Variants in ADAM9 observed in about 807,000 individuals in gnomAD.
The protein encoded by ADAM9 is ADAM metallopeptidase domain 9.
A neutral mutation model predicts 108.1 loss-of-function variants in ADAM9; 54 were observed. That is an observed-to-expected ratio of 0.50 (90% CI 0.40 to 0.63). The LOEUF (loss-of-function observed/expected upper bound fraction) is 0.63, where lower values mean the gene tolerates loss of function less well. Among genes scored for constraint, ADAM9 ranks in the 20% least tolerant of loss-of-function variants. ADAM9 has a pLI of 0.00. For synonymous variants in ADAM9, 316 were observed against 336.0 expected (o/e 0.94, Z 0.65); for missense variants, 830 against 997.7 (o/e 0.83, Z 2.26).
intron 12 of ADAM9, among the ~76,000 whole-genome samples, chr8:39,045,127 C>T (rs182306278): frequency 0.016 from 781 of 49,534 alleles, 144 homozygotes; most frequent in Middle Eastern, 0.034. Context: ...TGTGTGTGTG[C>T]ATACATACAT....
At chr8:39,062,510 A>G (rs1223618391) in intron 14 of ADAM9, among the ~76,000 whole-genome samples, 1 of 152,210 alleles carries the variant, frequency 6.6e-6, no homozygotes, top group Non-Finnish European at 1.5e-5. Flanking sequence ...CAACTAGCCA[A>G]TGCCGTAAGT....
chr8:39,045,879 CT>C (rs879737714), intron 12 of ADAM9, among the ~76,000 whole-genome samples: 192 of 143,872 alleles, frequency 1.3e-3, no homozygotes, highest in Middle Eastern at 3.6e-3. Context: ...CAAGATCAGC[CT>C]TTTTTTTTTT....
At chr8:39,041,532 A>G (rs770791843) in intron 11 of ADAM9, among the ~76,000 whole-genome samples, 21 of 152,186 alleles carry the variant, frequency 1.4e-4, no homozygotes, top group Non-Finnish European at 2.4e-4. Context: ...GAACATAAAA[A>G]TGTTATCCTT....
At chr8:39,011,380 G>C (rs1378429661) in intron 2 of ADAM9, among the ~76,000 whole-genome samples, 2 of 152,170 alleles carry the variant, frequency 1.3e-5, no homozygotes, top group East Asian at 3.8e-4. Context: ...GACTTGAGAA[G>C]ATAATCCCTG....
chr8:39,097,945 C>G (rs756230112), intron 20 of ADAM9, among the ~76,000 whole-genome samples: 2 of 152,198 alleles, frequency 1.3e-5, no homozygotes, highest in Non-Finnish European at 2.9e-5. Flanking sequence ...TGAGCTTTAG[C>G]TATTTTCCCA....
chr8:39,099,499 T>C (rs561015044), intron 20 of ADAM9, among the ~76,000 whole-genome samples: 61 of 152,346 alleles, frequency 4.0e-4, no homozygotes, highest in Admixed American at 2.1e-3. Context: ...TTCATTGTTT[T>C]TAATAACCGC....
At position 39,045,397 on chromosome 8, in the gene ADAM9, C is replaced by T. The variant is rs889567377; in HGVS notation, c.1302+3280C>T. On this transcript the variant is annotated intron_variant, in intron 12 of 21. Coordinates refer to ENST00000487273, the MANE Select transcript of ADAM9 (RefSeq NM_003816.3). ...ACATACACCTATAGGTGTGTGTACA[C>T]ACACCTATATGTGCGCGTGTGTACA... Among the ~76,000 whole-genome samples, 857 of 143,114 alleles carry T rather than the reference C, an allele frequency of 6.0e-3. 73 individuals are homozygous for T. Among genetic ancestry groups the T allele is most frequent in the Non-Finnish European group, 8.3e-3 (544 of 65,316 alleles). 93.9% of individuals were successfully genotyped at this position (143,114 alleles called of 152,430 possible).
rs375208643 is a variant in ADAM9 at position 39,087,240 on chromosome 8, AT to A, written c.2069-2797del. Among the ~76,000 whole-genome samples, 4 of 147,788 alleles carry A rather than the reference AT, an allele frequency of 2.7e-5. No homozygotes were observed. The South Asian group carries it at 6.4e-4, about 24-fold the overall frequency. ...AACCTTGGACAATTCTAAGGCTCACATTTTTTTTTTCTGCCTCTCAGGGATC... is the reference window on the plus strand; with the variant it reads ...AACCTTGGACAATTCTAAGGCTCACATTTTTTTTTCTGCCTCTCAGGGATC... On this transcript the variant is annotated intron_variant, in intron 18 of 21. Coordinates refer to ENST00000487273, the MANE Select transcript of ADAM9 (RefSeq NM_003816.3).
At position 39,082,698 on chromosome 8, in the gene ADAM9, C is replaced by G; in HGVS notation, c.1939C>G (p.Gln647Glu). 1 of 1,611,780 alleles carries G rather than the reference C, an allele frequency of 6.2e-7. No homozygotes were observed. The highest frequency in any genetic ancestry group is 8.5e-7 in the Non-Finnish European group (1 of 1,179,388). The change falls in exon 17 of 22, where the codon CAG becomes GAG. Residue 647 changes from glutamine to glutamate, a missense_variant. Transcript: ENST00000487273. ...TGTTCTGAATTATGACTGTGATGTTCAGAAAAAGTGTCATGGACATGGGGT... is the reference window on the plus strand; with the variant it reads ...TGTTCTGAATTATGACTGTGATGTTGAGAAAAAGTGTCATGGACATGGGGT... ...ASVLNYDCDV[Q>E]KKCHGHGVCN...
chr8:39,067,712 T>G (rs888402949), intron 14 of ADAM9, among the ~76,000 whole-genome samples: 1 of 152,242 alleles, frequency 6.6e-6, no homozygotes, highest in South Asian at 2.1e-4. Context: ...TGACTTCCTC[T>G]TTTCCTAATT....
intron 19 of ADAM9, among the ~76,000 whole-genome samples, chr8:39,090,620 G>T (rs1260803857): frequency 6.6e-6 from 1 of 152,188 alleles, no homozygotes; most frequent in Non-Finnish European, 1.5e-5. Flanking sequence ...TCTTTTAATG[G>T]GGAGGAGAAA....
intron 11 of ADAM9, among the ~76,000 whole-genome samples, chr8:39,029,907 G>A (rs538396270): frequency 1.3e-5 from 2 of 152,276 alleles, no homozygotes; most frequent in Admixed American, 1.3e-4. Flanking sequence ...GAGTTTGGAA[G>A]TGTTCCTTCC....
At chr8:39,057,571 A>G (rs1316269188) in intron 14 of ADAM9, among the ~76,000 whole-genome samples, 1 of 152,082 alleles carries the variant, frequency 6.6e-6, no homozygotes, top group African/African-American at 2.4e-5. Context: ...AGCTGATGGT[A>G]TAGTTCCAGT....
At chr8:39,042,944 A>G (rs1837498564) in intron 12 of ADAM9, among the ~76,000 whole-genome samples, 1 of 152,196 alleles carries the variant, frequency 6.6e-6, no homozygotes, top group African/African-American at 2.4e-5. Context: ...CCTGACCACC[A>G]CTATTCTGTT....
At position 39,045,144 on chromosome 8, in the gene ADAM9, GTA is replaced by G. The variant is rs1172477743; in HGVS notation, c.1302+3033_1302+3034del. Among the ~76,000 whole-genome samples the G allele has an allele frequency of 8.5e-5, 9 of 105,622 alleles. 2 individuals are homozygous for G. In the East Asian group the frequency reaches 2.1e-3, roughly 25 times the overall value. The allele number at this position is 105,622 out of a possible 152,430, so 69.3% of individuals were successfully genotyped here. On this transcript the variant is annotated intron_variant, in intron 12 of 21. Coordinates refer to ENST00000487273, the MANE Select transcript of ADAM9 (RefSeq NM_003816.3). ...TGTGTGTGCATACATACATATATGTGTATATATGTGTATACATACATATATGT... is the reference window on the plus strand; with the variant it reads ...TGTGTGTGCATACATACATATATGTGTATATGTGTATACATACATATATGT...
intron 10 of ADAM9, among the ~76,000 whole-genome samples, chr8:39,026,173 G>A (rs948127866): frequency 6.6e-6 from 1 of 152,124 alleles, no homozygotes; most frequent in African/African-American, 2.4e-5. Context: ...TGCCATGGTG[G>A]TTTGCTGCAC....
chr8:39,036,484 T>G (rs543969190), intron 11 of ADAM9, among the ~76,000 whole-genome samples: 1 of 152,316 alleles, frequency 6.6e-6, no homozygotes, highest in Non-Finnish European at 1.5e-5. Flanking sequence ...TTTTTTTTTT[T>G]GTCATTTCCA....
rs1308579634 is a variant in ADAM9, at chr8:39,105,221, ACAAT to A, written c.*1525_*1528del. On this transcript the variant is annotated 3_prime_UTR_variant, in exon 22 of 22. Transcript: ENST00000487273. ...TTTCTGAAGACAGCATGTTATTTTA[ACAAT>A]CAAGTATACATATTAAAAATTGTGA... 6.8e-6 allele frequency: 3 copies of A among 441,658 alleles called. No homozygotes were observed. Among genetic ancestry groups the A allele is most frequent in the Non-Finnish European group, 9.0e-6 (2 of 223,236 alleles). The allele number at this position is 441,658 out of a possible 1,614,324, so 27.4% of individuals were successfully genotyped here.
intron 14 of ADAM9, among the ~76,000 whole-genome samples, chr8:39,065,767 T>C (rs541638310): frequency 2.2e-4 from 33 of 151,942 alleles, no homozygotes; most frequent in Non-Finnish European, 4.3e-4. Context: ...TTTTTTTAAA[T>C]ATATTTTAAG....
Sources: allele counts gnomAD v4.1 joint callset (sites outside exome capture counted in the v4.1 genomes callset), GRCh38; gene constraint gnomAD v4.1.1; transcripts MANE v1.5; gene names NCBI Gene and HGNC (gene_info 2026-07-23, HGNC 2026-07-21).